The following ADPRHL1 variants were observed in gnomAD, a reference collection of about 807,000 sequenced individuals.
The protein encoded by ADPRHL1 is ADP-ribosylhydrolase like 1, also known as inactive ADP-ribosyltransferase ARH2.
In ADPRHL1, 43 loss-of-function variants were observed where a neutral mutation model predicts 44.1. The ratio of observed to expected loss-of-function variants is 0.98; its 90% CI spans 0.76 to 1.26. ADPRHL1 has a LOEUF of 1.26. Among genes scored for constraint, ADPRHL1 ranks in the 50% most tolerant of loss-of-function variants. ADPRHL1 has a pLI of 0.00. For missense variants in ADPRHL1, 2,022 were observed against 2,496.9 expected, an observed-to-expected ratio of 0.81 and a Z score of 4.05; for synonymous variants, 878 against 1,017.4, an observed-to-expected ratio of 0.86 and a Z score of 2.61.
intron 7 of ADPRHL1, among the ~76,000 whole-genome samples, chr13:113,411,943 C>T (rs535186720): frequency 3.9e-5 from 6 of 152,358 alleles, no homozygotes; most frequent in South Asian, 2.1e-4. Context: ...CAAAGTCCTG[C>T]GCCCACCGCC....
chr13:113,450,305 C>G (rs763860962), intron 1 of ADPRHL1, among the ~76,000 whole-genome samples: 2 of 152,240 alleles, frequency 1.3e-5, no homozygotes, highest in Non-Finnish European at 2.9e-5. Flanking sequence ...AGTGAAATTT[C>G]GACTTTGATT....
chr13:113,411,760 G>A (rs934420131), intron 7 of ADPRHL1, among the ~76,000 whole-genome samples: 128 of 152,250 alleles, frequency 8.4e-4, no homozygotes, highest in African/African-American at 3.0e-3. Flanking sequence ...TGTCGGAGGC[G>A]TCCGCGGTTC....
In ADPRHL1 at chr13:113,403,761, G is replaced by C; in HGVS notation, c.5521C>G (p.Pro1841Ala). The change falls in exon 8 of 8, where the codon CCA becomes GCA. Residue 1841 changes from proline to alanine, a missense_variant. By Grantham distance (27) the Pro-to-Ala change is conservative (BLOSUM62 -1). Coordinates refer to ENST00000612156, the MANE Select transcript of ADPRHL1 (RefSeq NM_001394807.1). ...GACTGTCCACCATCCCTGGGGGCTG[G>C]GCTTCTGGACCCCCCACTCCTGCCA... ...AAGRSGGSRS[P>A]APRDGGQSGG... 1 of 1,232,734 alleles carries C rather than the reference G, an allele frequency of 8.1e-7. No homozygotes were observed. The highest frequency in any genetic ancestry group is 1.0e-6 in the Non-Finnish European group (1 of 988,794). The allele number at this position is 1,232,734 out of a possible 1,614,324, so 76.4% of individuals were successfully genotyped here. A position where few individuals can be genotyped will look rare whatever the true frequency, so the allele number is the denominator to read the frequency against.
At chr13:113,413,630 CTGGA>C (rs748520867) in intron 7 of ADPRHL1, among the ~76,000 whole-genome samples, 1 of 152,252 alleles carries the variant, frequency 6.6e-6, no homozygotes, top group Non-Finnish European at 1.5e-5. Flanking sequence ...TCCTCATGCG[CTGGA>C]GCCAGTGCTG....
At chr13:113,415,560 G>A (rs1360216753) in intron 7 of ADPRHL1, among the ~76,000 whole-genome samples, 1 of 152,120 alleles carries the variant, frequency 6.6e-6, no homozygotes, top group Non-Finnish European at 1.5e-5. Context: ...AGGCCAGTCT[G>A]GCCAACAGGG....
chr13:113,423,143 G>C (rs1239125315), intron 6 of ADPRHL1, among the ~76,000 whole-genome samples, 164 bp from the exon 7 acceptor site: 2 of 152,158 alleles, frequency 1.3e-5, no homozygotes, highest in African/African-American at 4.8e-5. Flanking sequence ...TGTCATCCCA[G>C]CTACACAGGC....
chr13:113,404,777 C>CCCTGAACCTGTCCCCGGTCCCATT lies in ADPRHL1; in HGVS notation c.4481_4504dup (p.Glu1494_Gln1501dup), dbSNP rs2043794241. On this transcript the variant is annotated inframe_insertion, in exon 8 of 8. Transcript: ENST00000612156. ...CCACTGGGCCTGTTCTTGAGCGTGT[C>CCCTGAACCTGTCCCCGGTCCCATT]CCTGAACCTGTCCCCGGTCCCATTC... is the stretch of plus-strand genomic sequence containing the variant. 2 of 1,260,910 alleles carry CCCTGAACCTGTCCCCGGTCCCATT rather than the reference C, an allele frequency of 1.6e-6. No individual in the cohort carries two copies. The highest frequency in any genetic ancestry group is 4.2e-5 in the Admixed American group (1 of 24,068). 78.1% of individuals were successfully genotyped at this position (1,260,910 alleles called of 1,614,324 possible). A position where few individuals can be genotyped will look rare whatever the true frequency, so the allele number is the denominator to read the frequency against.
In ADPRHL1 at chr13:113,402,408, G is replaced by A. The variant is rs1394168337; in HGVS notation, c.*970C>T. ...CTTTGATTTCCTTCTTGTGCCTCTA[G>A]ACAGCATTCAAATATTCCAGCCTGA... On this transcript the variant is annotated 3_prime_UTR_variant, in exon 8 of 8. Coordinates refer to ENST00000612156, the MANE Select transcript of ADPRHL1 (RefSeq NM_001394807.1). The A allele has an allele frequency of 6.6e-6, 1 of 152,254 alleles. No individual in the cohort carries two copies. The highest frequency in any genetic ancestry group is 1.5e-5 in the Non-Finnish European group (1 of 68,058). The allele number at this position is 152,254 out of a possible 1,614,324, so 9.4% of individuals were successfully genotyped here.
Position 113,407,967 on chromosome 13 carries a change from T to C in ADPRHL1, c.1315A>G (p.Thr439Ala). The C allele has an allele frequency of 8.1e-7, 1 of 1,232,066 alleles. No individual in the cohort carries two copies. The highest frequency in any genetic ancestry group is 1.0e-6 in the Non-Finnish European group (1 of 988,010). 76.3% of individuals were successfully genotyped at this position (1,232,066 alleles called of 1,614,324 possible). A position where few individuals can be genotyped will look rare whatever the true frequency, so the allele number is the denominator to read the frequency against. Residue 439 changes from threonine (T) to alanine (A), a missense_variant, in exon 8 of 8, where the codon ACT becomes GCT. Thr to Ala is a moderately conservative substitution (Grantham distance 58). Transcript: ENST00000612156. ...CTCTTGAGGTAGCGCTCCCGGCCAG[T>C]GCCCAGGAACTTGGCCTGCAGGAGC... is the stretch of plus-strand genomic sequence containing the variant. Reference protein sequence around the residue: ...FQLLQAKFLGTGRERYLKRTR... With the variant: ...FQLLQAKFLGAGRERYLKRTR...
At chr13:113,448,464 C>CAAAAAAA (rs1215068634) in intron 1 of ADPRHL1, among the ~76,000 whole-genome samples, 1 of 55,994 alleles carries the variant, frequency 1.8e-5, no homozygotes, top group African/African-American at 2.0e-4. Flanking sequence ...AGACTATGTC[C>CAAAAAAA]CAAAAAAAAA....
At position 113,404,905 on chromosome 13, in the gene ADPRHL1, C is replaced by G; in HGVS notation, c.4377G>C (p.Trp1459Cys). The G allele has an allele frequency of 8.0e-7, 1 of 1,244,756 alleles. No homozygotes were observed. The highest frequency in any genetic ancestry group is 1.0e-6 in the Non-Finnish European group (1 of 996,582). The allele number at this position is 1,244,756 out of a possible 1,614,324, so 77.1% of individuals were successfully genotyped here. ...PWEERGRSTA[W>C]GEGTRAARNP... The stretch of plus-strand genomic sequence containing the variant: ...TCCTGGCAGCCCTGGTGCCCTCTCC[C>G]CACGCCGTGCTCCGCCCCCGCTCCT... Residue 1459 changes from tryptophan to cysteine, a missense_variant, in exon 8 of 8, where the codon TGG (tryptophan) becomes TGC (cysteine). By Grantham distance (215) the Trp-to-Cys change is radical. Transcript: ENST00000612156.
chr13:113,444,083 G>A (rs1237406067), intron 2 of ADPRHL1, among the ~76,000 whole-genome samples: 2 of 152,174 alleles, frequency 1.3e-5, no homozygotes, highest in Non-Finnish European at 2.9e-5. Context: ...TTGAACAGAC[G>A]CTCGTGCTGG....
intron 1 of ADPRHL1, among the ~76,000 whole-genome samples, chr13:113,445,902 G>A (rs910362738): frequency 3.3e-5 from 5 of 149,406 alleles, no homozygotes; most frequent in African/African-American, 5.0e-5. Flanking sequence ...GCGCGTGTAG[G>A]GACCATGGCT....
At chr13:113,423,000 T>C in intron 6 of ADPRHL1, 21 bp from the exon 7 acceptor site, 3 of 1,612,400 alleles carry the variant, frequency 1.9e-6, no homozygotes, top group Non-Finnish European at 1.7e-6. Context: ...AAGGCAGCAG[T>C]TGCAGTGGGC....
In ADPRHL1 at chr13:113,404,290, A is replaced by C. The variant is rs1177653868; in HGVS notation, c.4992T>G (p.Ala1664=). Residue 1664 remains alanine, a synonymous_variant, in exon 8 of 8, where the codon GCT becomes GCG. Coordinates refer to ENST00000612156, the MANE Select transcript of ADPRHL1 (RefSeq NM_001394807.1). ...EQAQEQTQIE[A]QGQAQKGAQE... ...GAGCCCCCTTCTGGGCCTGACCCTG[A>C]GCCTCTATCTGGGTCTGCTCCTGAG... 1 of 1,315,822 alleles carries C rather than the reference A, an allele frequency of 7.6e-7. No homozygotes were observed. The highest frequency in any genetic ancestry group is 9.6e-7 in the Non-Finnish European group (1 of 1,042,630). 81.5% of individuals were successfully genotyped at this position (1,315,822 alleles called of 1,614,324 possible). A position where few individuals can be genotyped will look rare whatever the true frequency, so the allele number is the denominator to read the frequency against.
At position 113,441,353 on chromosome 13, in the gene ADPRHL1, G is replaced by T. The variant is rs532268501; in HGVS notation, c.379+3072C>A. On this transcript the variant is annotated intron_variant, in intron 2 of 7. Transcript: ENST00000612156. The surrounding 1 kb of genome is among the most constrained non-coding windows in gnomAD (Gnocchi z 6.0). ...CCCCCTTTTCTGCCTTTTTTGGGTT[G>T]AATGTTTCTCAAGGGATTCAATTTT... is the stretch of plus-strand genomic sequence containing the variant. 1.3e-5 allele frequency among the ~76,000 whole-genome samples: 2 copies of T among 152,020 alleles called. No individual in the cohort carries two copies. The highest frequency in any genetic ancestry group is 1.9e-4 in the East Asian group (1 of 5,186).
At chr13:113,447,039 A>C (rs1341737705) in intron 1 of ADPRHL1, among the ~76,000 whole-genome samples, 1 of 144,388 alleles carries the variant, frequency 6.9e-6, no homozygotes, top group East Asian at 2.1e-4. Context: ...TATGGTGTCT[A>C]CATGCACGGT....
Position 113,425,097 on chromosome 13 carries a change from ATTT to A in ADPRHL1, c.726_728del (p.Glu242_Asn243delinsAsp). 1 of 1,613,486 alleles carries A rather than the reference ATTT, an allele frequency of 6.2e-7. No homozygotes were observed. Among genetic ancestry groups the A allele is most frequent in the Non-Finnish European group, 8.5e-7 (1 of 1,179,914 alleles). ...CATAATTGTCGGGGAAGATGGCTTT[ATTT>A]TCTGAGTCTTTACTGATTTTCCTCT... On this transcript the variant is annotated inframe_deletion, in exon 5 of 8. Transcript: ENST00000612156.
chr13:113,442,871 T>C lies in ADPRHL1; in HGVS notation c.379+1554A>G, dbSNP rs13313349. Among the ~76,000 whole-genome samples, 503 of 152,334 alleles carry C rather than the reference T, an allele frequency of 3.3e-3. 7 individuals carry two copies. The highest frequency in any genetic ancestry group is 0.028 in the South Asian group (136 of 4,828). On this transcript the variant is annotated intron_variant, in intron 2 of 7. Coordinates refer to ENST00000612156, the MANE Select transcript of ADPRHL1 (RefSeq NM_001394807.1). ...CCGCGGGTCGCTGGTCCTCCCTTCA[T>C]CTTGGATTCTTTCTCTTTGTGTGTC...
Sources: gnomAD v4.1 joint callset for allele counts (sites outside exome capture counted in the v4.1 genomes callset) on GRCh38, gnomAD v4.1.1 for gene constraint, Gnocchi (gnomAD v3.1) non-coding constraint, MANE v1.5 for transcripts, NCBI Gene and HGNC (gene_info 2026-07-23, HGNC 2026-07-21) for gene names.